Variants in ART3 observed in about 807,000 individuals in gnomAD.
ART3 encodes the protein ADP-ribosyltransferase 3 (inactive).
In ART3, 49 loss-of-function variants were observed where a neutral mutation model predicts 48.5. The observed-to-expected ratio is 1.01, with a 90% CI of 0.80 to 1.28. The LOEUF (loss-of-function observed/expected upper bound fraction) is 1.28. Ranked by LOEUF, ART3 falls within the 50% of genes most tolerant of loss-of-function variation. The pLI is 0.00. For synonymous variants in ART3, 145 were observed against 157.2 expected (o/e 0.92, Z 0.58); for missense variants, 438 against 454.3 (o/e 0.96, Z 0.33).
At chr4:76,083,968 G>A (rs1723020832) in intron 3 of ART3, among the ~76,000 whole-genome samples, 1 of 152,148 alleles carries the variant, frequency 6.6e-6, no homozygotes, top group African/African-American at 2.4e-5. Context: ...TCCCAGCATA[G>A]TAAAGACAGG....
At chr4:76,055,006 C>G (rs1444261244) in intron 1 of ART3, among the ~76,000 whole-genome samples, 1 of 152,290 alleles carries the variant, frequency 6.6e-6, no homozygotes, top group Admixed American at 6.5e-5. Context: ...AACTCCTGGC[C>G]TCAGGCAAGT....
At chr4:76,035,494 TTAAG>T (rs1734303051) in intron 1 of ART3, 1 of 694,386 alleles carries the variant, frequency 1.4e-6, no homozygotes, top group Non-Finnish European at 2.3e-6. Context: ...CTGGGAAAAG[TTAAG>T]TAAGATGTTG....
intron 5 of ART3, chr4:76,099,598 A>G (rs1726814775): frequency 6.5e-6 from 1 of 154,654 alleles, no homozygotes; most frequent in African/African-American, 2.4e-5. Context: ...GTATTCAGTC[A>G]TTGAAATGAA....
At chr4:76,036,637 A>ATATTT (rs1734439709) in intron 1 of ART3, 1 of 151,322 alleles carries the variant, frequency 6.6e-6, no homozygotes, top group African/African-American at 2.4e-5. Flanking sequence ...TTTACTTTAT[A>ATATTT]TATTTTATTT....
At chr4:76,102,792 T>A (rs945709438) in intron 8 of ART3, among the ~76,000 whole-genome samples, 2 of 152,074 alleles carry the variant, frequency 1.3e-5, no homozygotes, top group African/African-American at 4.8e-5. Flanking sequence ...TTAATAATTT[T>A]CTGTATTTTT....
intron 1 of ART3, 100 bp from the exon 2 acceptor site, chr4:76,075,781 C>A: frequency 1.1e-6 from 1 of 870,300 alleles, no homozygotes; most frequent in Non-Finnish European, 1.8e-6. Flanking sequence ...ATGCTATCCA[C>A]TCACATTCTA....
At chr4:76,060,512 GC>G (rs1238440019) in intron 1 of ART3, among the ~76,000 whole-genome samples, 3 of 152,082 alleles carry the variant, frequency 2.0e-5, no homozygotes, top group African/African-American at 7.2e-5. Context: ...ACACCTATTG[GC>G]TAACATGGTA....
At chr4:76,054,110 A>G (rs777133810) in intron 1 of ART3, among the ~76,000 whole-genome samples, 2 of 152,218 alleles carry the variant, frequency 1.3e-5, no homozygotes, top group African/African-American at 4.8e-5. Context: ...TTCACTTACC[A>G]TTATTAGTTT....
At chr4:76,052,714 CCTTCTTT>C (rs1472841035) in intron 1 of ART3, among the ~76,000 whole-genome samples, 2 of 142,588 alleles carry the variant, frequency 1.4e-5, no homozygotes, top group Non-Finnish European at 3.0e-5. Flanking sequence ...TTTCTTTTTT[CCTTCTTT>C]TTTTTTTTTT....
At chr4:76,079,405 C>G (rs1389353388) in intron 2 of ART3, among the ~76,000 whole-genome samples, 1 of 152,132 alleles carries the variant, frequency 6.6e-6, no homozygotes, top group Admixed American at 6.6e-5. Context: ...TAAGTTTCGT[C>G]TTAGACATGT....
chr4:76,093,353 CAA>C (rs1725330628), intron 3 of ART3, among the ~76,000 whole-genome samples: 1 of 152,070 alleles, frequency 6.6e-6, no homozygotes, highest in Non-Finnish European at 1.5e-5. Context: ...TGCTTGAGCC[CAA>C]GAGTTGATGT....
chr4:76,111,683 C>T (rs1157220870), intron 11 of ART3, among the ~76,000 whole-genome samples: 2 of 152,122 alleles, frequency 1.3e-5, no homozygotes, highest in African/African-American at 4.8e-5. Context: ...GCGGGGACTA[C>T]AGGCGCCCGC....
chr4:76,038,691 C>T (rs1047137658), intron 1 of ART3, among the ~76,000 whole-genome samples: 2 of 150,688 alleles, frequency 1.3e-5, no homozygotes, highest in African/African-American at 2.4e-5. Context: ...TCAAATCCAC[C>T]CTTGATTATT....
intron 11 of ART3, 61 bp downstream of exon 11, chr4:76,107,854 A>G: frequency 7.4e-7 from 1 of 1,342,588 alleles, no homozygotes. Context: ...AGAAAAAGTG[A>G]GAAATTTATT....
At chr4:76,022,661 G>T in intron 1 of ART3, 1 of 1,607,652 alleles carries the variant, frequency 6.2e-7, no homozygotes, top group Non-Finnish European at 8.5e-7. Flanking sequence ...TACAACCAGG[G>T]AAGTGATAAT....
At chr4:76,039,089 G>A (rs906449389) in intron 1 of ART3, among the ~76,000 whole-genome samples, 2 of 145,250 alleles carry the variant, frequency 1.4e-5, no homozygotes, top group Non-Finnish European at 3.0e-5. Context: ...TATAGACTGG[G>A]GATAATAATA....
At chr4:76,068,300 C>T (rs1316768192) in intron 1 of ART3, among the ~76,000 whole-genome samples, 3 of 152,102 alleles carry the variant, frequency 2.0e-5, no homozygotes, top group Non-Finnish European at 4.4e-5. Flanking sequence ...AATGTGTTCC[C>T]TCATGCCCAT....
At chr4:76,020,913 C>T (rs1459445017) in intron 1 of ART3, among the ~76,000 whole-genome samples, 1 of 151,956 alleles carries the variant, frequency 6.6e-6, no homozygotes, top group African/African-American at 2.4e-5. Context: ...GAGATTAGGC[C>T]AAGCTCTGTT....
At chr4:76,102,848 A>G (rs1383890091) in intron 8 of ART3, among the ~76,000 whole-genome samples, 2 of 152,132 alleles carry the variant, frequency 1.3e-5, no homozygotes, top group African/African-American at 4.8e-5. Context: ...CATATTTTAT[A>G]TATTACATAT....
Sources: gnomAD v4.1 joint callset for allele counts (sites outside exome capture counted in the v4.1 genomes callset) on GRCh38, gnomAD v4.1.1 for gene constraint, MANE v1.5 for transcripts, NCBI Gene and HGNC (gene_info 2026-07-23, HGNC 2026-07-21) for gene names.